The following SMAP1 variants were observed in gnomAD, a reference collection of about 807,000 sequenced individuals.
The protein encoded by SMAP1 is stromal membrane-associated protein 1.
A neutral mutation model predicts 58.5 loss-of-function variants in SMAP1; 24 were observed. That is an observed-to-expected ratio of 0.41 (90% confidence interval 0.30 to 0.58). The LOEUF is 0.58. Among genes scored for constraint, SMAP1 ranks in the 20% least tolerant of loss-of-function variants. The pLI, the probability that SMAP1 is intolerant of heterozygous loss-of-function variation, is 0.29. For synonymous variants in SMAP1, 216 were observed against 196.6 expected, an observed-to-expected ratio of 1.10 and a Z score of -0.82; for missense variants, 563 against 566.3, an observed-to-expected ratio of 0.99 and a Z score of 0.06.
chr6:70,714,917 CAT>C (rs1377944999), intron 1 of SMAP1, among the ~76,000 whole-genome samples: 2 of 151,960 alleles, frequency 1.3e-5, no homozygotes, highest in Non-Finnish European at 2.9e-5. Flanking sequence ...CTGCACTTTG[CAT>C]ATATAATTCT....
At chr6:70,768,779 T>C (rs1173793781) in intron 3 of SMAP1, among the ~76,000 whole-genome samples, 1 of 152,216 alleles carries the variant, frequency 6.6e-6, no homozygotes, top group Admixed American at 6.5e-5. Flanking sequence ...TAGTTATTTC[T>C]TGCCCTCTGC....
chr6:70,840,608 A>G (rs571088776), intron 7 of SMAP1, among the ~76,000 whole-genome samples: 2 of 152,308 alleles, frequency 1.3e-5, no homozygotes, highest in South Asian at 4.1e-4. Flanking sequence ...AACTGTAAAA[A>G]CAGGCATGGG....
At chr6:70,744,837 G>A (rs1237940238) in intron 2 of SMAP1, among the ~76,000 whole-genome samples, 3 of 152,196 alleles carry the variant, frequency 2.0e-5, no homozygotes, top group Admixed American at 1.3e-4. Context: ...AGCACCTGTT[G>A]TTTCCTGACT....
At chr6:70,796,905 T>C (rs1245643461) in intron 5 of SMAP1, among the ~76,000 whole-genome samples, 1 of 152,168 alleles carries the variant, frequency 6.6e-6, no homozygotes, top group Non-Finnish European at 1.5e-5. Flanking sequence ...GAGCCTGATA[T>C]ATAAACTGTT....
At chr6:70,710,138 CAT>C in intron 1 of SMAP1, among the ~76,000 whole-genome samples, 3 of 152,142 alleles carry the variant, frequency 2.0e-5, no homozygotes, top group Middle Eastern at 6.8e-3. Context: ...AATTGTAGCA[CAT>C]AGTGTTTATA....
intron 1 of SMAP1, among the ~76,000 whole-genome samples, chr6:70,705,787 A>G (rs1767814657): frequency 6.6e-6 from 1 of 152,214 alleles, no homozygotes; most frequent in African/African-American, 2.4e-5. Context: ...CAAAGGCCCC[A>G]ACCCTACAAG....
chr6:70,739,859 T>C (rs112062393), intron 2 of SMAP1, among the ~76,000 whole-genome samples: 6 of 152,228 alleles, frequency 3.9e-5, no homozygotes, highest in African/African-American at 1.4e-4. Context: ...TTGTTTCATG[T>C]TTATTTCTGA....
At chr6:70,773,521 C>T (rs937291770) in intron 4 of SMAP1, 96 bp downstream of exon 4, 16 of 677,760 alleles carry the variant, frequency 2.4e-5, no homozygotes, top group Non-Finnish European at 3.6e-5. Context: ...TGAAAACATA[C>T]TAGTTGTATA....
chr6:70,851,824 T>C (rs970111224), intron 7 of SMAP1, among the ~76,000 whole-genome samples: 2 of 152,190 alleles, frequency 1.3e-5, no homozygotes, highest in African/African-American at 4.8e-5. Context: ...TCCCTGTACA[T>C]TGCAGTGGCT....
intron 2 of SMAP1, among the ~76,000 whole-genome samples, chr6:70,738,107 C>G (rs994307821): frequency 1.3e-5 from 2 of 152,138 alleles, no homozygotes; most frequent in Non-Finnish European, 2.9e-5. Context: ...AATCGTGTGG[C>G]TGGGATTTAA....
chr6:70,762,604 C>T (rs1051254535), intron 3 of SMAP1, among the ~76,000 whole-genome samples: 1 of 152,020 alleles, frequency 6.6e-6, no homozygotes, highest in Admixed American at 6.6e-5. Flanking sequence ...TTGGGTGACT[C>T]CATGGAATTT....
Position 70,861,939 on chromosome 6 carries a change from T to C in SMAP1, c.*1605T>C. 6.2e-7 allele frequency: 1 copy of C among 1,613,968 alleles called. No individual in the cohort carries two copies. The highest frequency in any genetic ancestry group is 8.5e-7 in the Non-Finnish European group (1 of 1,179,896). On this transcript the variant is annotated 3_prime_UTR_variant, in exon 11 of 11. Transcript: ENST00000370455. ...GGATCCACGACGCTTAAATACAGCTTTTGGATTGGACAAAATGACTTGAAG... is the reference window on the plus strand; with the variant it reads ...GGATCCACGACGCTTAAATACAGCTCTTGGATTGGACAAAATGACTTGAAG...
In SMAP1 at chr6:70,729,459, T is replaced by TGTG. The variant is rs1554194434; in HGVS notation, c.119-2919_119-2918insGTG. 4.7e-3 allele frequency among the ~76,000 whole-genome samples: 602 copies of TGTG among 128,164 alleles called. 10 individuals are homozygous for TGTG. Among genetic ancestry groups the TGTG allele is most frequent in the African/African-American group, 0.017 (574 of 34,100 alleles). 84.1% of individuals were successfully genotyped at this position (128,164 alleles called of 152,430 possible). ...GTCTCAAAAAAAAAAAAAAAGAAGG[T>TGTG]TGTGTGTGTGTGTGTGTGTGTGTGT... On this transcript the variant is annotated intron_variant, in intron 1 of 10. Transcript: ENST00000370455.
At chr6:70,815,254 C>T (rs897271354) in intron 6 of SMAP1, among the ~76,000 whole-genome samples, 3 of 152,122 alleles carry the variant, frequency 2.0e-5, no homozygotes, top group Non-Finnish European at 4.4e-5. Flanking sequence ...AGGACCAAAA[C>T]TATAGGTTAA....
intron 3 of SMAP1, among the ~76,000 whole-genome samples, chr6:70,762,896 T>C (rs1206757595): frequency 6.6e-6 from 1 of 151,890 alleles, no homozygotes; most frequent in Non-Finnish European, 1.5e-5. Context: ...AAATATAAAT[T>C]AAGATTTCAC....
intron 1 of SMAP1, among the ~76,000 whole-genome samples, chr6:70,704,145 A>G (rs1283858964): frequency 2.0e-5 from 3 of 152,202 alleles, no homozygotes; most frequent in African/African-American, 7.2e-5. Flanking sequence ...ATTGAAACTT[A>G]TATTTTTCCT....
intron 1 of SMAP1, 90 bp from the exon 2 acceptor site, chr6:70,732,288 A>G (rs1765461311): frequency 2.2e-6 from 3 of 1,362,824 alleles, no homozygotes; most frequent in Non-Finnish European, 9.9e-7. Flanking sequence ...CATTATAATT[A>G]TATAAAACCG....
At chr6:70,834,034 C>T (rs1454329658) in intron 6 of SMAP1, among the ~76,000 whole-genome samples, 2 of 152,144 alleles carry the variant, frequency 1.3e-5, no homozygotes, top group Non-Finnish European at 2.9e-5. Flanking sequence ...CATGTGTGAA[C>T]ATCTGGAAGG....
At chr6:70,803,884 G>T (rs1047207552) in intron 6 of SMAP1, among the ~76,000 whole-genome samples, 1 of 152,178 alleles carries the variant, frequency 6.6e-6, no homozygotes, top group South Asian at 2.1e-4. Flanking sequence ...GTTCTTTTAC[G>T]TTTGCTGAGG....
Sources: allele counts gnomAD v4.1 joint callset (sites outside exome capture counted in the v4.1 genomes callset), GRCh38; gene constraint gnomAD v4.1.1; transcripts MANE v1.5; gene names NCBI Gene and HGNC (gene_info 2026-07-23, HGNC 2026-07-21).